The following PCDHGA11 variants were observed in gnomAD, a reference collection of about 807,000 sequenced individuals.
PCDHGA11 encodes protocadherin gamma-A11.
A neutral mutation model predicts 60.4 loss-of-function variants in PCDHGA11; 39 were observed. The ratio of observed to expected loss-of-function variants is 0.65; its 90% CI spans 0.50 to 0.84. The LOEUF (loss-of-function observed/expected upper bound fraction) is 0.84, where lower values mean the gene tolerates loss of function less well. Ranked by LOEUF, PCDHGA11 falls within the 40% of genes least tolerant of loss-of-function variation. PCDHGA11 has a pLI of 0.00. For missense variants in PCDHGA11, 1,165 were observed against 1,197.7 expected, an observed-to-expected ratio of 0.97 and a Z score of 0.40; for synonymous variants, 533 against 510.3, an observed-to-expected ratio of 1.04 and a Z score of -0.60.
At chr5:141,497,203 G>C (rs750138875) in intron 2 of PCDHGA11, among the ~76,000 whole-genome samples, 3 of 91,718 alleles carry the variant, frequency 3.3e-5, no homozygotes, top group African/African-American at 2.8e-4. Flanking sequence ...AACAATGTGA[G>C]TGTAATGGGG....
intron 1 of PCDHGA11, among the ~76,000 whole-genome samples, chr5:141,456,955 T>A (rs1352654794): frequency 2.6e-5 from 4 of 151,974 alleles, no homozygotes; most frequent in African/African-American, 7.3e-5. Flanking sequence ...AGAGCAAAAC[T>A]CCATCTCAAA....
At position 141,431,595 on chromosome 5, in the gene PCDHGA11, A is replaced by G; in HGVS notation, c.2433+7935A>G. The G allele has an allele frequency of 6.2e-7, 1 of 1,614,218 alleles. No homozygotes were observed. The highest frequency in any genetic ancestry group is 8.5e-7 in the Non-Finnish European group (1 of 1,180,034). On this transcript the variant is annotated intron_variant, in intron 1 of 3. Transcript: ENST00000398587. The surrounding 1 kb of genome is among the most constrained non-coding windows in gnomAD (Gnocchi z 4.8). Reference sequence around the variant, plus strand: ...GAAGGAGTCAATGCGGAAGTGAGGTATTCCTTCCGGTATGTGGACGACAAG... The same window carrying G: ...GAAGGAGTCAATGCGGAAGTGAGGTGTTCCTTCCGGTATGTGGACGACAAG...
intron 1 of PCDHGA11, among the ~76,000 whole-genome samples, chr5:141,469,375 G>C (rs942714664): frequency 2.0e-5 from 3 of 152,076 alleles, no homozygotes; most frequent in African/African-American, 7.2e-5. Flanking sequence ...AAGAGATCGA[G>C]ACCATCCTGG....
chr5:141,491,243 ATGAGGACCC>A lies in PCDHGA11; in HGVS notation c.2434-3557_2434-3549del. 1 of 1,614,200 alleles carries A rather than the reference ATGAGGACCC, an allele frequency of 6.2e-7. No individual in the cohort carries two copies. Among genetic ancestry groups the A allele is most frequent in the African/African-American group, 1.3e-5 (1 of 75,056 alleles). ...GCCACAGTGCTGCTGGTTCTGGAGG[ATGAGGACCC>A]TGAGGAAATGCCCAAATCCAGTGAC... On this transcript the variant is annotated intron_variant, in intron 1 of 3. Coordinates refer to ENST00000398587, the MANE Select transcript of PCDHGA11 (RefSeq NM_018914.3). This position sits in a 1 kb window ranked among gnomAD's most constrained non-coding sequence, Gnocchi z 6.9.
Position 141,431,962 on chromosome 5 carries a change from C to G in PCDHGA11, c.2433+8302C>G. 1.2e-6 allele frequency: 2 copies of G among 1,614,190 alleles called. No homozygotes were observed. Among genetic ancestry groups the G allele is most frequent in the South Asian group, 2.2e-5 (2 of 91,086 alleles). ...AATTAGAAAAATCTTACGGAAATTACTATAGTTTAGTCACAGACATAGTCT... is the reference window on the plus strand; with the variant it reads ...AATTAGAAAAATCTTACGGAAATTAGTATAGTTTAGTCACAGACATAGTCT... On this transcript the variant is annotated intron_variant, in intron 1 of 3. Transcript: ENST00000398587. The surrounding 1 kb of genome is among the most constrained non-coding windows in gnomAD (Gnocchi z 4.8).
intron 1 of PCDHGA11, among the ~76,000 whole-genome samples, chr5:141,492,409 C>T (rs1367119266): frequency 6.6e-6 from 1 of 152,230 alleles, no homozygotes. Context: ...TCCCCTCTGC[C>T]GCTCCCTCCG....
chr5:141,510,510 G>C (rs1042950478), intron 3 of PCDHGA11, among the ~76,000 whole-genome samples: 1 of 152,132 alleles, frequency 6.6e-6, no homozygotes, highest in Non-Finnish European at 1.5e-5. Context: ...CTGAGAGCCC[G>C]TGTCACAGCC....
Position 141,490,480 on chromosome 5 carries a change from C to G in PCDHGA11, c.2434-4327C>G. On this transcript the variant is annotated intron_variant, in intron 1 of 3. Coordinates refer to ENST00000398587, the MANE Select transcript of PCDHGA11 (RefSeq NM_018914.3). This position sits in a 1 kb window ranked among gnomAD's most constrained non-coding sequence, Gnocchi z 5.4. The stretch of plus-strand genomic sequence containing the variant: ...GCTGCTAACCAGCCAGCCTTTGGAC[C>G]GGGAGGCCACATCCCACTATATCAT... 2.5e-6 allele frequency: 4 copies of G among 1,614,194 alleles called. No homozygotes were observed. The highest frequency in any genetic ancestry group is 3.4e-6 in the Non-Finnish European group (4 of 1,180,050).
Position 141,490,973 on chromosome 5 carries a change from G to A in PCDHGA11, c.2434-3834G>A, listed in dbSNP as rs774983500. 5.0e-6 allele frequency: 8 copies of A among 1,613,932 alleles called. No homozygotes were observed. The highest frequency in any genetic ancestry group is 2.2e-5 in the East Asian group (1 of 44,878). On this transcript the variant is annotated intron_variant, in intron 1 of 3. Transcript: ENST00000398587. The surrounding 1 kb of genome is among the most constrained non-coding windows in gnomAD (Gnocchi z 5.4). ...GACTGGGAACACTCAGCCCCCCAGC[G>A]TCTCCCTCGCTCTGCTCCTCCTGGC...
At chr5:141,500,500 C>T (rs6872480) in intron 2 of PCDHGA11, among the ~76,000 whole-genome samples, 1,599 of 152,210 alleles carry the variant, frequency 0.011, 36 homozygotes, top group African/African-American at 0.036. Context: ...TGAGCCACCG[C>T]GCCTGGCCGA....
Position 141,477,656 on chromosome 5 carries a change from C to T in PCDHGA11, c.2434-17151C>T, listed in dbSNP as rs755621234. The T allele has an allele frequency of 1.9e-6, 3 of 1,614,184 alleles. No homozygotes were observed. The South Asian group carries it at 3.3e-5, about 18-fold the overall frequency. ...AGTGGGTCGCTATTTCACAATAAATCGTGACAATGGCATAGTGTCATCCTT... is the reference window on the plus strand; with the variant it reads ...AGTGGGTCGCTATTTCACAATAAATTGTGACAATGGCATAGTGTCATCCTT... On this transcript the variant is annotated intron_variant, in intron 1 of 3. Transcript: ENST00000398587. The surrounding 1 kb of genome is among the most constrained non-coding windows in gnomAD (Gnocchi z 4.9).
chr5:141,473,974 C>G (rs958240236), intron 1 of PCDHGA11, among the ~76,000 whole-genome samples: 33 of 152,054 alleles, frequency 2.2e-4, no homozygotes, highest in Admixed American at 2.2e-3. Context: ...AAGTCTGAGG[C>G]GGGAGGATCC....
chr5:141,472,980 C>CAAAAAAAAAAAAAAAAAAAAAAA (rs60579131), intron 1 of PCDHGA11, among the ~76,000 whole-genome samples: 6 of 86,066 alleles, frequency 7.0e-5, no homozygotes, highest in Non-Finnish European at 1.0e-4. Context: ...GAGTGAAACT[C>CAAAAAAAAAAAAAAAAAAAAAAA]AAAAAAAAAA....
In PCDHGA11 at chr5:141,485,099, G is replaced by T; in HGVS notation, c.2434-9708G>T. The T allele has an allele frequency of 8.7e-7, 1 of 1,145,218 alleles. No individual in the cohort carries two copies. Among genetic ancestry groups the T allele is most frequent in the Non-Finnish European group, 1.3e-6 (1 of 775,682 alleles). 70.9% of individuals were successfully genotyped at this position (1,145,218 alleles called of 1,614,324 possible). A position where few individuals can be genotyped will look rare whatever the true frequency, so the allele number is the denominator to read the frequency against. ...GGGGAAAGGGAGATAGGTGTCTCCA[G>T]CTGCTGTGGCTGTTTGGGGCGGGTC... On this transcript the variant is annotated intron_variant, in intron 1 of 3. Transcript: ENST00000398587. The surrounding 1 kb of genome is among the most constrained non-coding windows in gnomAD (Gnocchi z 5.7).
rs1185020546 is a variant in PCDHGA11, at chr5:141,485,472, C to A, written c.2434-9335C>A. 3 of 1,614,138 alleles carry A rather than the reference C, an allele frequency of 1.9e-6. No homozygotes were observed. Among genetic ancestry groups the A allele is most frequent in the Non-Finnish European group, 2.5e-6 (3 of 1,180,022 alleles). On this transcript the variant is annotated intron_variant, in intron 1 of 3. Transcript: ENST00000398587. The surrounding 1 kb of genome is among the most constrained non-coding windows in gnomAD (Gnocchi z 5.7). The stretch of plus-strand genomic sequence containing the variant: ...CGAGAGGCACTGTGTGGGCTCAGTG[C>A]CAGCTGCATCGTGCCCCTGGAGTTT...
intron 1 of PCDHGA11, chr5:141,423,880 G>T: frequency 7.8e-7 from 1 of 1,282,292 alleles, no homozygotes; most frequent in Non-Finnish European, 9.9e-7. Flanking sequence ...TTTCAATCTT[G>T]GCATATTTTC....
Position 141,490,958 on chromosome 5 carries a change from A to T in PCDHGA11, c.2434-3849A>T, listed in dbSNP as rs771797392. 4.6e-5 allele frequency: 74 copies of T among 1,613,610 alleles called. No individual in the cohort carries two copies. The highest frequency in any genetic ancestry group is 1.6e-4 in the Middle Eastern group (1 of 6,084). ...CTGCACCCACGGCCAGACTGGGAAC[A>T]CTCAGCCCCCCAGCGTCTCCCTCGC... On this transcript the variant is annotated intron_variant, in intron 1 of 3. Coordinates refer to ENST00000398587, the MANE Select transcript of PCDHGA11 (RefSeq NM_018914.3). This position sits in a 1 kb window ranked among gnomAD's most constrained non-coding sequence, Gnocchi z 5.4.
chr5:141,455,593 C>T (rs957677108), intron 1 of PCDHGA11, among the ~76,000 whole-genome samples: 4 of 152,070 alleles, frequency 2.6e-5, no homozygotes, highest in Non-Finnish European at 5.9e-5. Flanking sequence ...AATATGCAAA[C>T]GTAGGGCGCC....
rs192741775 is a variant in PCDHGA11, at chr5:141,428,173, C to A, written c.2433+4513C>A. The A allele has an allele frequency of 3.2e-4, 487 of 1,514,722 alleles. 1 individual carries two copies. In the Middle Eastern group the frequency reaches 7.1e-3, roughly 22 times the overall value. The allele number at this position is 1,514,722 out of a possible 1,614,324, so 93.8% of individuals were successfully genotyped here. On this transcript the variant is annotated intron_variant, in intron 1 of 3. Transcript: ENST00000398587. The stretch of plus-strand genomic sequence containing the variant: ...GGAACCTGCTGGTTGCTGTGCGTGA[C>A]GGAGGACAGCCGCCGCTCTCTGCGC...
Sources: gnomAD v4.1 joint callset for allele counts (sites outside exome capture counted in the v4.1 genomes callset) on GRCh38, gnomAD v4.1.1 for gene constraint, Gnocchi (gnomAD v3.1) non-coding constraint, MANE v1.5 for transcripts, NCBI Gene and HGNC (gene_info 2026-07-23, HGNC 2026-07-21) for gene names.